Variants in FAF1 observed in about 807,000 individuals in gnomAD.
FAF1 encodes FAS-associated factor 1.
In FAF1, 25 loss-of-function variants were observed where a neutral mutation model predicts 92.5. The ratio of observed to expected loss-of-function variants is 0.27; its 90% CI spans 0.20 to 0.38. The LOEUF (loss-of-function observed/expected upper bound fraction) is 0.38, where lower values mean the gene tolerates loss of function less well. FAF1 is among the 10% of genes least tolerant of loss of function. The pLI is 1.00. For synonymous variants in FAF1, 234 were observed against 273.2 expected (o/e 0.86, Z 1.42); for missense variants, 636 against 793.3 (o/e 0.80, Z 2.38).
intron 2 of FAF1, among the ~76,000 whole-genome samples, chr1:50,834,367 C>A (rs1362222198): frequency 6.6e-6 from 1 of 152,226 alleles, no homozygotes; most frequent in Non-Finnish European, 1.5e-5. Flanking sequence ...ACATCCTACA[C>A]ATTCTGTCAA....
intron 7 of FAF1, among the ~76,000 whole-genome samples, chr1:50,670,127 GAA>G (rs1008153553): frequency 2.9e-3 from 220 of 74,750 alleles, no homozygotes; most frequent in African/African-American, 9.6e-3. Context: ...GTCTCAAAAA[GAA>G]AAAAAAAAAA....
chr1:50,557,517 CT>C (rs1054650873), intron 13 of FAF1, among the ~76,000 whole-genome samples: 22 of 152,170 alleles, frequency 1.4e-4, no homozygotes, highest in Non-Finnish European at 2.8e-4. Flanking sequence ...AGAAACTTTG[CT>C]TTTTTTGGTG....
intron 1 of FAF1, among the ~76,000 whole-genome samples, chr1:50,868,930 T>C (rs1025435359): frequency 5.9e-5 from 9 of 152,198 alleles, no homozygotes; most frequent in Admixed American, 5.9e-4. Flanking sequence ...TTATTGATAG[T>C]ACTGTTCAAA....
intron 2 of FAF1, among the ~76,000 whole-genome samples, chr1:50,840,720 C>G (rs1466533403): frequency 6.6e-6 from 1 of 151,936 alleles, no homozygotes; most frequent in Non-Finnish European, 1.5e-5. Context: ...CCCAATCAGG[C>G]AATTGATATC....
intron 1 of FAF1, among the ~76,000 whole-genome samples, chr1:50,892,377 G>A (rs1053330530): frequency 6.6e-6 from 1 of 152,326 alleles, no homozygotes; most frequent in Middle Eastern, 3.4e-3. Context: ...ACAAGCCCCA[G>A]TGAGATGAAC....
At chr1:50,857,747 A>C (rs1281868272) in intron 2 of FAF1, among the ~76,000 whole-genome samples, 182 bp downstream of exon 2, 3 of 151,880 alleles carry the variant, frequency 2.0e-5, no homozygotes, top group Non-Finnish European at 2.9e-5. Flanking sequence ...AAGTATTCAT[A>C]ATAACTTAAT....
chr1:50,685,378 T>C (rs1427649664), intron 7 of FAF1, among the ~76,000 whole-genome samples: 1 of 151,946 alleles, frequency 6.6e-6, no homozygotes, highest in Admixed American at 6.6e-5. Context: ...TGATAAAGAG[T>C]CCGTGTAGCG....
At chr1:50,594,511 C>CA (rs974202221) in intron 9 of FAF1, among the ~76,000 whole-genome samples, 3 of 150,834 alleles carry the variant, frequency 2.0e-5, no homozygotes, top group African/African-American at 4.9e-5. Flanking sequence ...CAGAGTTGGG[C>CA]ATGAAAGTGC....
At chr1:50,712,444 C>T (rs914230434) in intron 6 of FAF1, among the ~76,000 whole-genome samples, 1 of 151,970 alleles carries the variant, frequency 6.6e-6, no homozygotes, top group South Asian at 2.1e-4. Flanking sequence ...TCCCTTGAGG[C>T]CAGGAATTTG....
intron 18 of FAF1, among the ~76,000 whole-genome samples, chr1:50,450,160 C>T (rs1377313934): frequency 6.7e-6 from 1 of 149,856 alleles, no homozygotes; most frequent in Non-Finnish European, 1.5e-5. Context: ...TGCCACTGTA[C>T]TCCAGCCTGG....
intron 1 of FAF1, among the ~76,000 whole-genome samples, chr1:50,946,188 AG>A (rs1645171425): frequency 6.6e-6 from 1 of 152,244 alleles, no homozygotes; most frequent in Non-Finnish European, 1.5e-5. Flanking sequence ...CACTCAGTGT[AG>A]GTACACATAC....
chr1:50,670,714 T>C (rs1001464277), intron 7 of FAF1, among the ~76,000 whole-genome samples: 10 of 152,054 alleles, frequency 6.6e-5, no homozygotes, highest in African/African-American at 2.4e-4. Context: ...GGTGGATCAC[T>C]TGAGTTTAGG....
At chr1:50,537,157 T>C (rs1044801486) in intron 14 of FAF1, among the ~76,000 whole-genome samples, 2 of 152,182 alleles carry the variant, frequency 1.3e-5, no homozygotes, top group Non-Finnish European at 2.9e-5. Flanking sequence ...CTGTAGTGGC[T>C]AAGACTCGGA....
Position 50,857,950 on chromosome 1 carries a change from T to C in FAF1, c.93A>G (p.Glu31=), listed in dbSNP as rs1644403128. 1 of 1,600,814 alleles carries C rather than the reference T, an allele frequency of 6.2e-7. No individual in the cohort carries two copies. The highest frequency in any genetic ancestry group is 1.4e-5 in the African/African-American group (1 of 74,062). ...ENIDEAITLL[E]QNNWDLVAAI... is the part of the protein sequence containing the mutation. ...TTACCACTAAGTCCCAATTATTTTG[T>C]TCAAGCAATGTAATAGCTTCGTCAA... is the stretch of plus-strand genomic sequence containing the variant. The change falls in exon 2 of 19, where the codon GAA becomes GAG. Residue 31 remains glutamate, a synonymous_variant. Coordinates refer to ENST00000396153, the MANE Select transcript of FAF1 (RefSeq NM_007051.3).
At chr1:50,531,316 TA>T (rs1270663238) in intron 15 of FAF1, among the ~76,000 whole-genome samples, 3 of 152,176 alleles carry the variant, frequency 2.0e-5, no homozygotes, top group African/African-American at 7.2e-5. Context: ...TAGAGGATTA[TA>T]AACTAATTTG....
intron 4 of FAF1, among the ~76,000 whole-genome samples, chr1:50,745,244 T>C (rs1659541180): frequency 6.6e-6 from 1 of 152,120 alleles, no homozygotes. Flanking sequence ...GAGGTTGCAG[T>C]GAGCCGAGAT....
At chr1:50,656,592 A>G (rs1207935937) in intron 7 of FAF1, among the ~76,000 whole-genome samples, 1 of 152,174 alleles carries the variant, frequency 6.6e-6, no homozygotes, top group Non-Finnish European at 1.5e-5. Context: ...CCAGTAATTA[A>G]GAAGTGTTGG....
chr1:50,920,891 A>C (rs1418601193), intron 1 of FAF1, among the ~76,000 whole-genome samples: 1 of 152,216 alleles, frequency 6.6e-6, no homozygotes, highest in Admixed American at 6.5e-5. Flanking sequence ...CACCACTTCT[A>C]TTCAACCTCT....
chr1:50,523,454 T>G (rs1472780530), intron 15 of FAF1, among the ~76,000 whole-genome samples: 2 of 152,202 alleles, frequency 1.3e-5, no homozygotes, highest in African/African-American at 4.8e-5. Context: ...ATTATAGCCA[T>G]CCTTCTAGGT....
Sources: gnomAD v4.1 joint callset for allele counts (sites outside exome capture counted in the v4.1 genomes callset) on GRCh38, gnomAD v4.1.1 for gene constraint, MANE v1.5 for transcripts, NCBI Gene and HGNC (gene_info 2026-07-23, HGNC 2026-07-21) for gene names.